Variants in COL11A1 observed in about 807,000 individuals in gnomAD.
The protein encoded by COL11A1 is collagen alpha-1(XI) chain.
A neutral mutation model predicts 265.2 loss-of-function variants in COL11A1; 74 were observed. That is an observed-to-expected ratio of 0.28 (90% CI 0.23 to 0.34). The LOEUF is 0.34. Among genes scored for constraint, COL11A1 ranks in the 10% least tolerant of loss-of-function variants. The probability of loss-of-function intolerance (pLI) is 1.00; values close to 1 mark genes in which losing one functional copy is unlikely to be tolerated. For missense variants in COL11A1, 2,165 were observed against 2,263.6 expected, an observed-to-expected ratio of 0.96 and a Z score of 0.88; for synonymous variants, 816 against 727.6, an observed-to-expected ratio of 1.12 and a Z score of -1.96.
At position 103,002,500 on chromosome 1, in the gene COL11A1, A is replaced by C. The variant is rs778017851; in HGVS notation, c.2044-19T>G. On this transcript the variant is annotated intron_variant, in intron 22 of 66. Transcript: ENST00000370096. ...GGGGACCCTGCCAGAGGAAAATATA[A>C]AAAGTTTTTAATGGGCTATATTACA... The C allele has an allele frequency of 6.3e-7, 1 of 1,592,468 alleles. No homozygotes were observed. The highest frequency in any genetic ancestry group is 1.7e-5 in the Admixed American group (1 of 57,406).
Position 102,962,673 on chromosome 1 carries a change from C to A in COL11A1, c.3004G>T (p.Ala1002Ser), listed in dbSNP as rs1323007469. 6.2e-7 allele frequency: 1 copy of A among 1,614,066 alleles called. No homozygotes were observed. The highest frequency in any genetic ancestry group is 2.2e-5 in the East Asian group (1 of 44,866). ...PPGEQGLPGA[A>S]GKEGAKGDPG... ...TGTACCTTTGCACCTTCTTTTCCTG[C>A]AGCACCAGGAAGACCTTGCTCACCA... The change falls in exon 39 of 67, where the codon GCA (alanine) becomes TCA (serine). Residue 1002 changes from alanine (A) to serine (S), a missense_variant. Ala to Ser is a moderately conservative substitution (Grantham distance 99, BLOSUM62 1). Transcript: ENST00000370096.
chr1:102,979,880 C>G (rs1412403727), intron 31 of COL11A1, among the ~76,000 whole-genome samples: 1 of 151,938 alleles, frequency 6.6e-6, no homozygotes. Flanking sequence ...CTATAGTTAC[C>G]ACTTTTGAGT....
intron 42 of COL11A1, among the ~76,000 whole-genome samples, chr1:102,945,683 G>C (rs1422317875): frequency 6.6e-6 from 1 of 151,976 alleles, no homozygotes. Flanking sequence ...GAAACAGTTT[G>C]TGTTTTAATC....
At chr1:102,967,444 G>A (rs935477071) in intron 37 of COL11A1, among the ~76,000 whole-genome samples, 1 of 151,666 alleles carries the variant, frequency 6.6e-6, no homozygotes, top group East Asian at 1.9e-4. Context: ...GTTTCACCGT[G>A]TTAGAAAGGA....
Position 102,887,064 on chromosome 1 carries a change from G to T in COL11A1, c.4609-8C>A, listed in dbSNP as rs777390779. 3.7e-6 allele frequency: 6 copies of T among 1,613,494 alleles called. No homozygotes were observed. Among genetic ancestry groups the T allele is most frequent in the Non-Finnish European group, 4.2e-6 (5 of 1,179,760 alleles). On this transcript the variant is annotated splice_region_variant and splice_polypyrimidine_tract_variant and intron_variant, in intron 62 of 66. Transcript: ENST00000370096. ...GACTTCACCAGGTGGACCCTGTAAA[G>T]AAGATAATGTGAGTGCAATTGTTTC...
intron 64 of COL11A1, among the ~76,000 whole-genome samples, chr1:102,882,199 A>T (rs748987764): frequency 6.6e-5 from 10 of 152,138 alleles, no homozygotes; most frequent in Admixed American, 3.9e-4. Flanking sequence ...AAGGAGATAT[A>T]CTGTGTGAAA....
chr1:103,029,515 A>G (rs898720530), intron 5 of COL11A1, among the ~76,000 whole-genome samples: 3 of 152,068 alleles, frequency 2.0e-5, no homozygotes, highest in Non-Finnish European at 2.9e-5. Flanking sequence ...AAGGATCAAC[A>G]TAATTTAGAG....
At chr1:102,984,060 C>A (rs1033166309) in intron 31 of COL11A1, 78 bp downstream of exon 31, 1 of 1,040,502 alleles carries the variant, frequency 9.6e-7, no homozygotes. Flanking sequence ...AGAGATGTTA[C>A]AAATTGTAAG....
intron 31 of COL11A1, among the ~76,000 whole-genome samples, chr1:102,982,475 C>T (rs1182022164): frequency 1.3e-5 from 2 of 151,874 alleles, no homozygotes; most frequent in Non-Finnish European, 2.9e-5. Context: ...TGAATGGCTT[C>T]TTTTACTGAT....
chr1:103,060,552 A>G (rs563677949), intron 4 of COL11A1, among the ~76,000 whole-genome samples: 4 of 152,362 alleles, frequency 2.6e-5, no homozygotes, highest in Admixed American at 1.3e-4. Flanking sequence ...AATGATTGCA[A>G]TGACAGAAAA....
In COL11A1 at chr1:102,908,638, A is replaced by G. The variant is rs1654278186; in HGVS notation, c.4086+3521T>C. On this transcript the variant is annotated intron_variant, in intron 54 of 66. Transcript: ENST00000370096. ...TTTTTCAATAGTCTATCCACTTTCCATTGATGTGTAATGTCCAATTTGTTA... is the reference window on the plus strand; with the variant it reads ...TTTTTCAATAGTCTATCCACTTTCCGTTGATGTGTAATGTCCAATTTGTTA... Among the ~76,000 whole-genome samples the G allele has an allele frequency of 2.0e-5, 3 of 152,168 alleles. No homozygotes were observed. The South Asian group carries it at 6.2e-4, about 31-fold the overall frequency.
intron 32 of COL11A1, 125 bp downstream of exon 32, chr1:102,979,257 G>C (rs954101849): frequency 6.6e-6 from 8 of 1,206,064 alleles, no homozygotes; most frequent in Non-Finnish European, 9.7e-6. Flanking sequence ...AGGCTGGCCT[G>C]GAACTCCGGG....
intron 4 of COL11A1, among the ~76,000 whole-genome samples, chr1:103,064,700 GAAAAA>G (rs59331849): frequency 8.9e-5 from 11 of 123,376 alleles, no homozygotes; most frequent in African/African-American, 3.3e-4. Context: ...AAAAAAAAAA[GAAAAA>G]AAAAAAAAAA....
intron 26 of COL11A1, among the ~76,000 whole-genome samples, chr1:102,996,258 A>G (rs1376131985): frequency 6.6e-6 from 1 of 152,126 alleles, no homozygotes; most frequent in Admixed American, 6.6e-5. Flanking sequence ...ATTATGTCAT[A>G]TATTCATACT....
intron 57 of COL11A1, among the ~76,000 whole-genome samples, chr1:102,892,890 T>C (rs1021443428): frequency 6.6e-6 from 1 of 152,184 alleles, no homozygotes; most frequent in Non-Finnish European, 1.5e-5. Context: ...AATAATCTTC[T>C]AATAAGGAGA....
chr1:103,089,864 G>T (rs1673171809), intron 1 of COL11A1, among the ~76,000 whole-genome samples: 1 of 152,206 alleles, frequency 6.6e-6, no homozygotes, highest in South Asian at 2.1e-4. Context: ...GGTGGCCCAC[G>T]CCTGTAATCT....
chr1:102,936,045 G>A (rs535120198), intron 44 of COL11A1, among the ~76,000 whole-genome samples: 5 of 152,088 alleles, frequency 3.3e-5, no homozygotes, highest in African/African-American at 7.2e-5. Context: ...ATTTTACCAC[G>A]ATATACTTTC....
intron 59 of COL11A1, 45 bp downstream of exon 59, chr1:102,889,410 T>TGTGTGTG: frequency 1.7e-6 from 2 of 1,195,334 alleles, no homozygotes; most frequent in Non-Finnish European, 2.5e-6. Context: ...TGTGTGTGTG[T>TGTGTGTG]ATTATTGGAA....
In COL11A1 at chr1:102,979,117, G is replaced by A. The variant is rs1399021345; in HGVS notation, c.2611-13C>T. ...TGCCAGCTACTCCCTAGCAAAGACA[G>A]TTCAATTTCAATATGCAGTATATCA... On this transcript the variant is annotated splice_polypyrimidine_tract_variant and intron_variant, in intron 32 of 66. Coordinates refer to ENST00000370096, the MANE Select transcript of COL11A1 (RefSeq NM_001854.4). The A allele has an allele frequency of 6.2e-7, 1 of 1,613,104 alleles. No individual in the cohort carries two copies. Among genetic ancestry groups the A allele is most frequent in the East Asian group, 2.2e-5 (1 of 44,890 alleles).
Sources: allele counts gnomAD v4.1 joint callset (sites outside exome capture counted in the v4.1 genomes callset), GRCh38; gene constraint gnomAD v4.1.1; transcripts MANE v1.5; gene names NCBI Gene and HGNC (gene_info 2026-07-23, HGNC 2026-07-21).